The following CHRM3 variants were observed in gnomAD, a reference collection of about 807,000 sequenced individuals.
The protein encoded by CHRM3 is muscarinic acetylcholine receptor M3.
A neutral mutation model predicts 41.8 loss-of-function variants in CHRM3; 11 were observed. The ratio of observed to expected loss-of-function variants is 0.26; its 90% confidence interval spans 0.17 to 0.44. The LOEUF (loss-of-function observed/expected upper bound fraction) is 0.44, where lower values mean the gene tolerates loss of function less well. Among genes scored for constraint, CHRM3 ranks in the 20% least tolerant of loss-of-function variants. CHRM3 has a pLI of 1.00. For missense variants in CHRM3, 571 were observed against 745.4 expected (o/e 0.77, Z 2.72); for synonymous variants, 297 against 301.4 (o/e 0.99, Z 0.15).
At chr1:239,855,385 A>G (rs1675023775) in intron 6 of CHRM3, among the ~76,000 whole-genome samples, 1 of 152,194 alleles carries the variant, frequency 6.6e-6, no homozygotes, top group African/African-American at 2.4e-5. Context: ...ACATATTTTC[A>G]TTTAAACTTT....
chr1:239,703,065 A>G (rs972584781), intron 5 of CHRM3: 1 of 152,188 alleles, frequency 6.6e-6, no homozygotes, highest in East Asian at 1.9e-4. Flanking sequence ...AGGCCCCCCA[A>G]CTTTAGGCTT....
Position 239,505,853 on chromosome 1 carries a change from AG to A in CHRM3, c.-422+13047del, listed in dbSNP as rs147716154. ...ATGCTGATAGCAGTATAAGACAGTA[AG>A]TTCCAGGCTGAGTTGGTCTCAGATG... On this transcript the variant is annotated intron_variant, in intron 2 of 6. Coordinates refer to ENST00000676153, the MANE Select transcript of CHRM3 (RefSeq NM_001375978.1). 7.1e-3 allele frequency among the ~76,000 whole-genome samples: 1,088 copies of A among 152,330 alleles called. 12 individuals are homozygous for A. Among genetic ancestry groups the A allele is most frequent in the African/African-American group, 0.025 (1,045 of 41,570 alleles).
At chr1:239,710,677 C>A (rs1279059496) in intron 5 of CHRM3, among the ~76,000 whole-genome samples, 1 of 151,972 alleles carries the variant, frequency 6.6e-6, no homozygotes. Flanking sequence ...ATATTGAATG[C>A]CAAGTTTAGA....
At chr1:239,558,291 G>A (rs1445606389) in intron 3 of CHRM3, among the ~76,000 whole-genome samples, 1 of 152,160 alleles carries the variant, frequency 6.6e-6, no homozygotes, top group African/African-American at 2.4e-5. Flanking sequence ...TTTGAGAAGT[G>A]TCTGTTCATG....
chr1:239,750,846 A>T (rs1032134227), intron 5 of CHRM3, among the ~76,000 whole-genome samples: 1 of 152,190 alleles, frequency 6.6e-6, no homozygotes, highest in African/African-American at 2.4e-5. Context: ...TCTTTGCTCA[A>T]TTAAACTTTG....
intron 6 of CHRM3, among the ~76,000 whole-genome samples, chr1:239,838,785 T>C (rs918771636): frequency 6.6e-5 from 10 of 152,200 alleles, no homozygotes; most frequent in Non-Finnish European, 1.5e-4. Flanking sequence ...GACCCTTTGA[T>C]GTGTAGAACA....
intron 3 of CHRM3, among the ~76,000 whole-genome samples, chr1:239,582,267 A>G (rs1662969177): frequency 6.6e-6 from 1 of 152,226 alleles, no homozygotes; most frequent in African/African-American, 2.4e-5. Flanking sequence ...TTAGAAAAGT[A>G]GCAGGCTTAC....
chr1:239,555,805 A>G (rs964213659), intron 3 of CHRM3, among the ~76,000 whole-genome samples: 5 of 152,146 alleles, frequency 3.3e-5, no homozygotes, highest in Non-Finnish European at 7.4e-5. Flanking sequence ...CCTCTACCCT[A>G]CCACCAGCTT....
intron 5 of CHRM3, among the ~76,000 whole-genome samples, chr1:239,740,218 C>A (rs1412047184): frequency 1.3e-5 from 2 of 152,184 alleles, no homozygotes; most frequent in East Asian, 3.9e-4. Context: ...ATACTCTAGT[C>A]CAAGAATTTT....
At chr1:239,547,750 T>C (rs10925914) in intron 3 of CHRM3, among the ~76,000 whole-genome samples, 98,167 of 152,020 alleles carry the variant, frequency 0.65, 37,495 homozygotes, top group Non-Finnish European at 0.83. Context: ...TTGCCACGTG[T>C]TATATTTAAA....
intron 5 of CHRM3, among the ~76,000 whole-genome samples, chr1:239,762,083 A>G (rs1205581800): frequency 6.6e-6 from 1 of 151,994 alleles, no homozygotes; most frequent in Non-Finnish European, 1.5e-5. Flanking sequence ...GGGTCTGAAA[A>G]CCATTGTTTC....
chr1:239,895,292 G>A (rs1011858226), intron 6 of CHRM3, among the ~76,000 whole-genome samples: 1 of 151,256 alleles, frequency 6.6e-6, no homozygotes, highest in African/African-American at 2.5e-5. Context: ...AGTGCCACTG[G>A]GAGAGTTTGG....
Position 239,410,082 on chromosome 1 carries a change from T to TA in CHRM3, c.-521+22856dup, listed in dbSNP as rs564418646. ...TTAAAGTTATCTAGTGTTCTTTCTT[T>TA]ACTATCATTTTAAGAAGCATTTTAG... On this transcript the variant is annotated intron_variant, in intron 1 of 6. Coordinates refer to ENST00000676153, the MANE Select transcript of CHRM3 (RefSeq NM_001375978.1). 2.9e-4 allele frequency among the ~76,000 whole-genome samples: 44 copies of TA among 152,360 alleles called. 1 individual carries two copies. The East Asian group carries it at 8.3e-3, about 29-fold the overall frequency.
intron 1 of CHRM3, among the ~76,000 whole-genome samples, chr1:239,418,268 T>C (rs2103083638): frequency 6.6e-6 from 1 of 152,342 alleles, no homozygotes; most frequent in African/African-American, 2.4e-5. Context: ...ATCTGTGTTT[T>C]TAAGAGCTGC....
intron 5 of CHRM3, chr1:239,705,623 C>T (rs1175365633): frequency 1.3e-5 from 2 of 152,226 alleles, no homozygotes; most frequent in African/African-American, 4.8e-5. Flanking sequence ...TCTAAGAACT[C>T]TAGTGATGTT....
At chr1:239,655,451 G>A (rs1457063032) in intron 4 of CHRM3, among the ~76,000 whole-genome samples, 3 of 152,156 alleles carry the variant, frequency 2.0e-5, no homozygotes, top group Non-Finnish European at 4.4e-5. Context: ...TGCATCTGTC[G>A]AATGGGAGAT....
At chr1:239,667,119 C>T (rs1207337431) in intron 4 of CHRM3, among the ~76,000 whole-genome samples, 1 of 152,106 alleles carries the variant, frequency 6.6e-6, no homozygotes, top group Admixed American at 6.6e-5. Flanking sequence ...ATGATCTCTC[C>T]ATGGCTTAAT....
intron 1 of CHRM3, among the ~76,000 whole-genome samples, chr1:239,430,713 A>G (rs1039953492): frequency 6.6e-6 from 1 of 151,624 alleles, no homozygotes; most frequent in Admixed American, 6.6e-5. Flanking sequence ...ACACACACAT[A>G]TGTATGCACA....
intron 6 of CHRM3, among the ~76,000 whole-genome samples, chr1:239,868,579 G>A (rs591490): frequency 0.094 from 14,348 of 152,112 alleles, 847 homozygotes; most frequent in South Asian, 0.18. Flanking sequence ...AAGCCCATCC[G>A]CCAGCCCTGG....
Sources: gnomAD v4.1 joint callset for allele counts (sites outside exome capture counted in the v4.1 genomes callset) on GRCh38, gnomAD v4.1.1 for gene constraint, MANE v1.5 for transcripts, NCBI Gene and HGNC (gene_info 2026-07-23, HGNC 2026-07-21) for gene names.